Variants in EP400 observed in about 807,000 individuals in gnomAD.
The protein encoded by EP400 is E1A-binding protein p400.
EP400 carries 105 observed loss-of-function variants against 354.1 expected under a neutral mutation model. The ratio of observed to expected loss-of-function variants is 0.30; its 90% CI spans 0.25 to 0.35. The LOEUF (loss-of-function observed/expected upper bound fraction) is 0.35, where lower values mean the gene tolerates loss of function less well. EP400 is among the 10% of genes least tolerant of loss of function. EP400 has a pLI of 1.00. For synonymous variants in EP400, 1,646 were observed against 1,716.9 expected (o/e 0.96, Z 1.02); for missense variants, 3,280 against 4,121.0 (o/e 0.80, Z 5.59).
At chr12:131,970,608 G>T (rs549172169) in intron 2 of EP400, among the ~76,000 whole-genome samples, 10 of 152,372 alleles carry the variant, frequency 6.6e-5, no homozygotes, top group Admixed American at 3.3e-4. Flanking sequence ...AGAGCACCCA[G>T]TGCAAAGCAG....
chr12:131,954,933 G>C (rs1219045892), intron 1 of EP400, among the ~76,000 whole-genome samples: 1 of 152,064 alleles, frequency 6.6e-6, no homozygotes, highest in East Asian at 1.9e-4. Flanking sequence ...TGAAGTGGGA[G>C]GTTTGCTTGA....
chr12:132,074,461 C>G (rs148809255), intron 51 of EP400, among the ~76,000 whole-genome samples: 7 of 152,256 alleles, frequency 4.6e-5, no homozygotes, highest in South Asian at 4.2e-4. Context: ...TGGGTCACCT[C>G]TCTCCCCCAC....
rs1895429434 is a variant in EP400, at chr12:132,054,851, A to AC, written c.7729-122dup. On this transcript the variant is annotated intron_variant, in intron 43 of 52. Coordinates refer to ENST00000389561, the MANE Select transcript of EP400 (RefSeq NM_015409.5). The surrounding 1 kb of genome is among the most constrained non-coding windows in gnomAD (Gnocchi z 4.0). ...GGTGGAATGAGCTGGGGAGGATGGG[A>AC]CAGGTGGCTGTGTGAATGTCGTGGA... 7.1e-6 allele frequency: 7 copies of AC among 988,500 alleles called. No individual in the cohort carries two copies. The highest frequency in any genetic ancestry group is 9.6e-6 in the Non-Finnish European group (6 of 626,338). The allele number at this position is 988,500 out of a possible 1,614,324, so 61.2% of individuals were successfully genotyped here.
At chr12:132,036,694 G>A (rs1451756712) in intron 30 of EP400, among the ~76,000 whole-genome samples, 1 of 152,234 alleles carries the variant, frequency 6.6e-6, no homozygotes, top group Non-Finnish European at 1.5e-5. Context: ...GAATCCAGGC[G>A]ATTTTTGTTT....
In EP400 at chr12:132,076,611, A is replaced by G; in HGVS notation, c.9099+18A>G. The G allele has an allele frequency of 6.3e-7, 1 of 1,594,072 alleles. No individual in the cohort carries two copies. Among genetic ancestry groups the G allele is most frequent in the Non-Finnish European group, 8.6e-7 (1 of 1,167,030 alleles). On this transcript the variant is annotated intron_variant, in intron 52 of 52. Transcript: ENST00000389561. ...CCCAGCAGGTAGGACGCATAGACAA[A>G]GTGGAAACCTCACATTTCCCAGGTC...
rs1893007078 is a variant in EP400, at chr12:131,990,774, C to T, written c.2629+60C>T. The stretch of plus-strand genomic sequence containing the variant: ...GGTGGTATTTTGTTCGGATTCTTTT[C>T]TCAGCAGGCAGTCTCCTGGCGCTGT... On this transcript the variant is annotated intron_variant, in intron 9 of 52. Transcript: ENST00000389561. The surrounding 1 kb of genome is among the most constrained non-coding windows in gnomAD (Gnocchi z 4.2). The T allele has an allele frequency of 3.8e-6, 5 of 1,305,588 alleles. No individual in the cohort carries two copies. The highest frequency in any genetic ancestry group is 2.0e-5 in the Admixed American group (1 of 50,428). 80.9% of individuals were successfully genotyped at this position (1,305,588 alleles called of 1,614,324 possible).
intron 12 of EP400, among the ~76,000 whole-genome samples, chr12:131,997,457 G>T (rs1032122548): frequency 6.6e-5 from 10 of 151,712 alleles, no homozygotes; most frequent in African/African-American, 1.9e-4. Context: ...TTGTAGATAC[G>T]GGATTTCAGG....
chr12:132,004,273 C>T (rs972026518), intron 12 of EP400, among the ~76,000 whole-genome samples: 2 of 152,216 alleles, frequency 1.3e-5, no homozygotes, highest in African/African-American at 2.4e-5. Context: ...TGGTACTTAA[C>T]AAATTGTGCA....
At chr12:132,073,918 G>GT (rs1565937522) in intron 51 of EP400, among the ~76,000 whole-genome samples, 10 of 121,226 alleles carry the variant, frequency 8.2e-5, no homozygotes, top group Non-Finnish European at 1.7e-4. Flanking sequence ...TGTTTTTTGG[G>GT]GTTTTTTTTT....
At chr12:132,060,691 G>A (rs1895663309) in intron 45 of EP400, among the ~76,000 whole-genome samples, 1 of 152,176 alleles carries the variant, frequency 6.6e-6, no homozygotes, top group Admixed American at 6.5e-5. Flanking sequence ...GCCGAGGCGG[G>A]CAGATCTGAG....
rs1234733526 is a variant in EP400 at position 132,076,506 on chromosome 12, T to G, written c.9022-10T>G. ...GAATTGTATGTTTGGCTTTTTTTGT[T>G]TTGTCAAAGGTTGCAAAACTTCCTC... On this transcript the variant is annotated splice_polypyrimidine_tract_variant and intron_variant, in intron 51 of 52. Coordinates refer to ENST00000389561, the MANE Select transcript of EP400 (RefSeq NM_015409.5). The G allele has an allele frequency of 4.3e-6, 7 of 1,614,046 alleles. 1 individual carries two copies. In the East Asian group the frequency reaches 1.6e-4, roughly 36 times the overall value.
chr12:131,987,983 C>CA, intron 7 of EP400, 93 bp downstream of exon 7: 1 of 268,422 alleles, frequency 3.7e-6, no homozygotes, highest in Non-Finnish European at 6.1e-6. Flanking sequence ...TCCAGACCCA[C>CA]TTTTTTTTTT....
At chr12:131,984,141 G>T (rs550255474) in intron 5 of EP400, among the ~76,000 whole-genome samples, 1 of 152,214 alleles carries the variant, frequency 6.6e-6, no homozygotes, top group African/African-American at 2.4e-5. Context: ...CAGGTGATCC[G>T]CTGGCTTTGG....
chr12:132,048,517 TGA>T (rs1895186294), intron 39 of EP400, among the ~76,000 whole-genome samples: 1 of 137,718 alleles, frequency 7.3e-6, no homozygotes, highest in African/African-American at 2.8e-5. Context: ...AGTTTGAGAG[TGA>T]TTTTTTTTTT....
intron 2 of EP400, among the ~76,000 whole-genome samples, chr12:131,977,303 ATT>A (rs769185264): frequency 5.7e-5 from 8 of 140,588 alleles, no homozygotes; most frequent in Non-Finnish European, 4.7e-5. Context: ...CGTCTGACTA[ATT>A]TTTTTTTTTT....
intron 27 of EP400, among the ~76,000 whole-genome samples, 170 bp downstream of exon 27, chr12:132,028,458 T>G (rs1894380317): frequency 6.6e-6 from 1 of 152,180 alleles, no homozygotes; most frequent in African/African-American, 2.4e-5. Context: ...TGGGATCAGA[T>G]GGTTTTGTTA....
intron 32 of EP400, among the ~76,000 whole-genome samples, chr12:132,042,525 T>TC (rs1894948968): frequency 6.6e-6 from 1 of 152,236 alleles, no homozygotes; most frequent in Non-Finnish European, 1.5e-5. Context: ...TTGCATTGTT[T>TC]TATGTTTGCT....
At chr12:131,991,603 CAG>C in intron 10 of EP400, 147 bp downstream of exon 10, 1 of 719,270 alleles carries the variant, frequency 1.4e-6, no homozygotes. Flanking sequence ...GTTTTAGAGA[CAG>C]AGTCTTGCTC....
chr12:132,044,386 C>A, intron 35 of EP400, 75 bp downstream of exon 35: 1 of 1,540,454 alleles, frequency 6.5e-7, no homozygotes, highest in South Asian at 1.2e-5. Context: ...TTGGCTTGTT[C>A]AAAGTCTGTG....
Sources: gnomAD v4.1 joint callset for allele counts (sites outside exome capture counted in the v4.1 genomes callset) on GRCh38, gnomAD v4.1.1 for gene constraint, Gnocchi (gnomAD v3.1) non-coding constraint, MANE v1.5 for transcripts, NCBI Gene and HGNC (gene_info 2026-07-23, HGNC 2026-07-21) for gene names.